Variants in EHBP1 observed in about 807,000 individuals in gnomAD.
EHBP1 encodes EH domain-binding protein 1.
In EHBP1, 55 loss-of-function variants were observed where a neutral mutation model predicts 144.0. The ratio of observed to expected loss-of-function variants is 0.38; its 90% CI spans 0.31 to 0.48. The LOEUF (loss-of-function observed/expected upper bound fraction) is 0.48, where lower values mean the gene tolerates loss of function less well. Among genes scored for constraint, EHBP1 ranks in the 20% least tolerant of loss-of-function variants. EHBP1 has a pLI of 0.98. For missense variants in EHBP1, 1,200 were observed against 1,364.2 expected (o/e 0.88, Z 1.90); for synonymous variants, 469 against 472.7 (o/e 0.99, Z 0.10).
At chr2:62,899,112 G>C (rs1397464494) in intron 10 of EHBP1, among the ~76,000 whole-genome samples, 1 of 152,158 alleles carries the variant, frequency 6.6e-6, no homozygotes, top group Non-Finnish European at 1.5e-5. Context: ...CCTCAGCTCA[G>C]AATAATCAGA....
At chr2:62,900,490 G>T (rs1035778242) in intron 10 of EHBP1, among the ~76,000 whole-genome samples, 16 of 151,882 alleles carry the variant, frequency 1.1e-4, no homozygotes, top group African/African-American at 3.4e-4. Context: ...GTGTGGTGGT[G>T]CATGCCTGTA....
intron 19 of EHBP1, among the ~76,000 whole-genome samples, chr2:62,997,219 T>A (rs1044097997): frequency 3.3e-5 from 5 of 151,570 alleles, no homozygotes; most frequent in Non-Finnish European, 5.9e-5. Flanking sequence ...TGCTCCACAA[T>A]TTTTTTTTCA....
At chr2:62,870,315 C>CTA (rs764949915) in intron 9 of EHBP1, among the ~76,000 whole-genome samples, 3 of 152,104 alleles carry the variant, frequency 2.0e-5, no homozygotes, top group Non-Finnish European at 4.4e-5. Flanking sequence ...GAAAAAGAGT[C>CTA]ATTAAAGTGT....
At chr2:62,713,578 T>TGGGGCAGAA (rs1371802091) in intron 2 of EHBP1, among the ~76,000 whole-genome samples, 1 of 152,040 alleles carries the variant, frequency 6.6e-6, no homozygotes, top group Non-Finnish European at 1.5e-5. Flanking sequence ...AGGGGAGAGA[T>TGGGGCAGAA]GGGGCAGAAG....
chr2:63,035,271 T>C (rs947473184), intron 19 of EHBP1, among the ~76,000 whole-genome samples: 4 of 152,096 alleles, frequency 2.6e-5, no homozygotes, highest in Non-Finnish European at 4.4e-5. Flanking sequence ...TGATACAGAA[T>C]TGATTTATCT....
chr2:62,880,384 T>G lies in EHBP1; in HGVS notation c.1185+5852T>G, dbSNP rs576714284. Among the ~76,000 whole-genome samples, 16 of 142,266 alleles carry G rather than the reference T, an allele frequency of 1.1e-4. No homozygotes were observed. In the East Asian group the frequency reaches 3.3e-3, roughly 29 times the overall value. The allele number at this position is 142,266 out of a possible 152,430, so 93.3% of individuals were successfully genotyped here. ...AAGAAAATTGATAAATGAGACCTAATCAAACTAAGAGCTTCTGCACAGCAA... is the reference window on the plus strand; with the variant it reads ...AAGAAAATTGATAAATGAGACCTAAGCAAACTAAGAGCTTCTGCACAGCAA... On this transcript the variant is annotated intron_variant, in intron 10 of 22. Transcript: ENST00000431489.
chr2:62,979,162 G>A (rs1299400392), intron 14 of EHBP1, 26 bp from the exon 15 acceptor site: 3 of 1,590,970 alleles, frequency 1.9e-6, no homozygotes, highest in Admixed American at 3.5e-5. Context: ...CAATTACTGA[G>A]TTGGCAACTG....
At chr2:62,838,000 T>G (rs2047435218) in intron 7 of EHBP1, among the ~76,000 whole-genome samples, 1 of 148,640 alleles carries the variant, frequency 6.7e-6, no homozygotes, top group Non-Finnish European at 1.5e-5. Context: ...CTAATAGACA[T>G]CTACAGAACT....
At chr2:62,852,137 G>A (rs1398881373) in intron 7 of EHBP1, among the ~76,000 whole-genome samples, 1 of 152,066 alleles carries the variant, frequency 6.6e-6, no homozygotes, top group African/African-American at 2.4e-5. Flanking sequence ...AATATAACAT[G>A]TTTAATAAAT....
At chr2:62,773,700 A>C (rs2041837439) in intron 5 of EHBP1, among the ~76,000 whole-genome samples, 1 of 151,138 alleles carries the variant, frequency 6.6e-6, no homozygotes, top group South Asian at 2.1e-4. Flanking sequence ...AATACAAAAC[A>C]ATTAGTTGGG....
At chr2:62,744,542 TTAAA>T (rs1573079863) in intron 2 of EHBP1, among the ~76,000 whole-genome samples, 2 of 152,086 alleles carry the variant, frequency 1.3e-5, no homozygotes, top group African/African-American at 2.4e-5. Flanking sequence ...TTCCCGATAA[TTAAA>T]TAGTCGACTG....
At chr2:62,844,255 G>A (rs1402502129) in intron 7 of EHBP1, among the ~76,000 whole-genome samples, 2 of 152,146 alleles carry the variant, frequency 1.3e-5, no homozygotes, top group East Asian at 3.9e-4. Context: ...CATGGTATCT[G>A]TACTTGCACT....
chr2:62,685,083 A>AT (rs1233332980), intron 1 of EHBP1, among the ~76,000 whole-genome samples: 1 of 152,178 alleles, frequency 6.6e-6, no homozygotes, highest in Non-Finnish European at 1.5e-5. Flanking sequence ...AATAAGTTTG[A>AT]TTTTTTACAA....
rs776183960 is a variant in EHBP1 at position 62,943,861 on chromosome 2, A to T, written c.1413+11A>T. ...GAGAACAACAAAAAGGTAAGAATTG[A>T]TGAGCAAGAAAAATACGTAGTTTCA... On this transcript the variant is annotated intron_variant, in intron 12 of 22. Coordinates refer to ENST00000431489, the MANE Select transcript of EHBP1 (RefSeq NM_001142616.3). The T allele has an allele frequency of 1.3e-6, 2 of 1,591,004 alleles. No individual in the cohort carries two copies. The highest frequency in any genetic ancestry group is 1.7e-6 in the Non-Finnish European group (2 of 1,164,290).
At position 62,948,886 on chromosome 2, in the gene EHBP1, TGAG is replaced by T; in HGVS notation, c.2044_2046del (p.Glu682del). The T allele has an allele frequency of 6.2e-7, 1 of 1,613,958 alleles. No individual in the cohort carries two copies. Among genetic ancestry groups the T allele is most frequent in the Non-Finnish European group, 8.5e-7 (1 of 1,179,960 alleles). On this transcript the variant is annotated inframe_deletion, in exon 13 of 23. Coordinates refer to ENST00000431489, the MANE Select transcript of EHBP1 (RefSeq NM_001142616.3). Reference sequence around the variant, plus strand: ...AGGATATGTCTCCACCCTTTATTTGTGAGGAGACAGATGAACAAAAGCTTCAAA... The same window carrying T: ...AGGATATGTCTCCACCCTTTATTTGTGAGACAGATGAACAAAAGCTTCAAA...
chr2:62,816,157 T>G (rs1276172947), intron 5 of EHBP1, among the ~76,000 whole-genome samples: 1 of 152,162 alleles, frequency 6.6e-6, no homozygotes, highest in Non-Finnish European at 1.5e-5. Flanking sequence ...CTTCATATAC[T>G]TCAACCAAAA....
intron 14 of EHBP1, among the ~76,000 whole-genome samples, chr2:62,966,431 C>A (rs1051848166): frequency 1.9e-4 from 29 of 152,088 alleles, no homozygotes; most frequent in South Asian, 2.1e-4. Flanking sequence ...TTTGGGGTAC[C>A]TTTTATACAT....
intron 5 of EHBP1, among the ~76,000 whole-genome samples, chr2:62,782,021 A>G (rs1010904895): frequency 2.6e-5 from 4 of 152,226 alleles, no homozygotes; most frequent in African/African-American, 9.6e-5. Flanking sequence ...GACACGCCCA[A>G]GAACACACAG....
chr2:62,914,393 G>A (rs139690622), intron 10 of EHBP1, among the ~76,000 whole-genome samples: 2 of 152,174 alleles, frequency 1.3e-5, no homozygotes, highest in African/African-American at 4.8e-5. Flanking sequence ...CAGGAATTCT[G>A]TGAAGCCAGT....
Sources: allele counts gnomAD v4.1 joint callset (sites outside exome capture counted in the v4.1 genomes callset), GRCh38; gene constraint gnomAD v4.1.1; transcripts MANE v1.5; gene names NCBI Gene and HGNC (gene_info 2026-07-23, HGNC 2026-07-21).